CA5A: variants seen among roughly 807,000 people sequenced by gnomAD.
CA5A encodes carbonic anhydrase 5A.
In CA5A, 28 loss-of-function variants were observed where a neutral mutation model predicts 37.1. The ratio of observed to expected loss-of-function variants is 0.75; its 90% CI spans 0.56 to 1.03. CA5A has a LOEUF of 1.03. CA5A is among the 50% of genes least tolerant of loss of function. CA5A has a pLI of 0.00. For missense variants in CA5A, 444 were observed against 399.9 expected, an observed-to-expected ratio of 1.11 and a Z score of -0.94; for synonymous variants, 171 against 158.4, an observed-to-expected ratio of 1.08 and a Z score of -0.60.
intron 1 of CA5A, among the ~76,000 whole-genome samples, chr16:87,931,404 G>A (rs2056403040): frequency 6.6e-6 from 1 of 152,198 alleles, no homozygotes; most frequent in Non-Finnish European, 1.5e-5. Flanking sequence ...AAACCACTGT[G>A]CCTGACCTTG....
At chr16:87,934,860 T>C (rs1251132230) in intron 1 of CA5A, among the ~76,000 whole-genome samples, 7 of 152,056 alleles carry the variant, frequency 4.6e-5, no homozygotes, top group Non-Finnish European at 1.0e-4. Flanking sequence ...CTTGGGAGGC[T>C]GAGTCAAGAG....
intron 3 of CA5A, among the ~76,000 whole-genome samples, chr16:87,904,573 C>T (rs1325936491): frequency 3.3e-5 from 5 of 152,138 alleles, no homozygotes; most frequent in Non-Finnish European, 5.9e-5. Flanking sequence ...TCTCTTCTTC[C>T]GTTAAATGAG....
chr16:87,895,283 C>T (rs1044185505), intron 5 of CA5A, among the ~76,000 whole-genome samples: 17 of 148,268 alleles, frequency 1.1e-4, no homozygotes, highest in African/African-American at 3.2e-4. Flanking sequence ...CGGTGGCTCA[C>T]GCCTGTAATC....
intron 2 of CA5A, among the ~76,000 whole-genome samples, chr16:87,919,220 G>A (rs1272473157): frequency 6.6e-6 from 1 of 152,230 alleles, no homozygotes; most frequent in Non-Finnish European, 1.5e-5. Context: ...AGTCAGGGAG[G>A]GGCCGAGGTC....
intron 1 of CA5A, among the ~76,000 whole-genome samples, chr16:87,928,760 GTTTTTTTTTTT>G (rs60994571): frequency 6.9e-5 from 4 of 57,924 alleles, no homozygotes; most frequent in African/African-American, 3.0e-4. Context: ...TCTTTTCTTT[GTTTTTTTTTTT>G]TTTTTTTTTT....
At chr16:87,903,835 T>C (rs565818779) in intron 3 of CA5A, among the ~76,000 whole-genome samples, 9 of 152,220 alleles carry the variant, frequency 5.9e-5, no homozygotes, top group Non-Finnish European at 8.8e-5. Context: ...AAAATGATCA[T>C]CACAGGACTG....
At chr16:87,906,681 A>G (rs1222625808) in intron 2 of CA5A, among the ~76,000 whole-genome samples, 1 of 152,060 alleles carries the variant, frequency 6.6e-6, no homozygotes, top group Non-Finnish European at 1.5e-5. Flanking sequence ...GAAAATGGAA[A>G]ATGGATTTGG....
intron 5 of CA5A, among the ~76,000 whole-genome samples, chr16:87,898,388 C>T (rs1323755638): frequency 2.0e-5 from 3 of 152,224 alleles, no homozygotes; most frequent in Non-Finnish European, 2.9e-5. Context: ...CCTGTCCTGC[C>T]CTGCACTGCC....
intron 2 of CA5A, among the ~76,000 whole-genome samples, chr16:87,906,095 C>A (rs947405711): frequency 1.3e-5 from 2 of 152,228 alleles, no homozygotes; most frequent in African/African-American, 4.8e-5. Flanking sequence ...AATGGGGTAC[C>A]CGTTCCACAC....
At chr16:87,896,031 C>T (rs1472960390) in intron 5 of CA5A, among the ~76,000 whole-genome samples, 1 of 152,242 alleles carries the variant, frequency 6.6e-6, no homozygotes, top group Non-Finnish European at 1.5e-5. Context: ...CCGTCTCCTC[C>T]TGCCTGCCAC....
chr16:87,915,551 T>C (rs1163113572), intron 2 of CA5A, among the ~76,000 whole-genome samples: 3 of 140,130 alleles, frequency 2.1e-5, no homozygotes, highest in African/African-American at 5.7e-5. Flanking sequence ...TTTTTTTTTT[T>C]TGTGGCTCAC....
intron 2 of CA5A, among the ~76,000 whole-genome samples, chr16:87,909,528 C>T (rs750303273): frequency 2.6e-5 from 4 of 152,220 alleles, no homozygotes; most frequent in African/African-American, 4.8e-5. Context: ...TCGGGCTGGG[C>T]TGGAGCGGCC....
chr16:87,936,185 A>AC (rs2056468191), intron 1 of CA5A, 124 bp downstream of exon 1: 1 of 657,354 alleles, frequency 1.5e-6, no homozygotes, highest in African/African-American at 1.9e-5. Context: ...AAAAAAAAAA[A>AC]AAAAACGGAG....
chr16:87,920,102 C>T (rs1053904275), intron 2 of CA5A, among the ~76,000 whole-genome samples: 1 of 152,102 alleles, frequency 6.6e-6, no homozygotes, highest in Non-Finnish European at 1.5e-5. Flanking sequence ...GGCTGAGTCA[C>T]GAAGCATGGA....
intron 2 of CA5A, among the ~76,000 whole-genome samples, chr16:87,909,080 C>T: frequency 6.6e-6 from 1 of 151,870 alleles, no homozygotes; most frequent in South Asian, 2.1e-4. Flanking sequence ...ATCCGCCTGC[C>T]TTGGCTTCCC....
At chr16:87,896,704 G>A (rs780642579) in intron 5 of CA5A, among the ~76,000 whole-genome samples, 3 of 152,168 alleles carry the variant, frequency 2.0e-5, no homozygotes, top group East Asian at 1.9e-4. Flanking sequence ...GCAATGGCAC[G>A]ATCTCGGCTC....
Position 87,904,800 on chromosome 16 carries a change from C to T in CA5A, c.445G>A (p.Ala149Thr), listed in dbSNP as rs553819990. 33 of 1,606,634 alleles carry T rather than the reference C, an allele frequency of 2.1e-5. No homozygotes were observed. The South Asian group carries it at 2.3e-4, about 11-fold the overall frequency. ...GGSEHTVDGH[A>T]YPAELHLVHW... is the part of the protein sequence containing the mutation. ...CGTCTACAAACCTCTGCGGGGTACG[C>T]GTGGCCGTCCACTGTGTGCTCTGAG... The change falls in exon 3 of 7, where the codon GCG becomes ACG. Residue 149 changes from alanine to threonine, a missense_variant. Transcript: ENST00000649794.
chr16:87,923,068 A>T (rs1379754593), intron 2 of CA5A, among the ~76,000 whole-genome samples: 1 of 152,214 alleles, frequency 6.6e-6, no homozygotes, highest in African/African-American at 2.4e-5. Flanking sequence ...TCCTTGTACT[A>T]GGTCACTCAC....
In CA5A at chr16:87,890,077, C is replaced by T. The variant is rs577911922; in HGVS notation, c.774+1722G>A. Among the ~76,000 whole-genome samples, 10 of 152,378 alleles carry T rather than the reference C, an allele frequency of 6.6e-5. No individual in the cohort carries two copies. In the South Asian group the frequency reaches 2.1e-3, roughly 32 times the overall value. ...TCTCCTCCCCTGGAAAACTCCCCGC[C>T]TTCCAGGACATGTGCCTCCCTGGCT... On this transcript the variant is annotated intron_variant, in intron 6 of 6. Transcript: ENST00000649794.
Sources: allele counts gnomAD v4.1 joint callset (sites outside exome capture counted in the v4.1 genomes callset), GRCh38; gene constraint gnomAD v4.1.1; transcripts MANE v1.5; gene names NCBI Gene and HGNC (gene_info 2026-07-23, HGNC 2026-07-21).